The following KIF20B variants were observed in gnomAD, a reference collection of about 807,000 sequenced individuals.
KIF20B encodes kinesin family member 20B.
Under a neutral mutation model 232.5 loss-of-function variants are expected in KIF20B, and 188 were observed. The ratio of observed to expected loss-of-function variants is 0.81; its 90% CI spans 0.72 to 0.91. The LOEUF (loss-of-function observed/expected upper bound fraction) is 0.91. Ranked by LOEUF, KIF20B falls within the 40% of genes least tolerant of loss-of-function variation. The pLI is 0.00. For synonymous variants in KIF20B, 712 were observed against 683.0 expected (o/e 1.04, Z -0.66); for missense variants, 2,154 against 2,055.9 (o/e 1.05, Z -0.92).
chr10:89,760,114 G>C lies in KIF20B; in HGVS notation c.4681-412G>C, dbSNP rs559286178. 2.6e-5 allele frequency among the ~76,000 whole-genome samples: 4 copies of C among 152,196 alleles called. No individual in the cohort carries two copies. In the South Asian group the frequency reaches 8.3e-4, roughly 32 times the overall value. On this transcript the variant is annotated intron_variant, in intron 27 of 32. Coordinates refer to ENST00000371728, the MANE Select transcript of KIF20B (RefSeq NM_001284259.2). ...AATTGTGTTATCAAAAGCAACTGTT[G>C]GGATACTGAGCAATTCTAACTCAGT...
At chr10:89,751,516 T>TA (rs747661768) in intron 24 of KIF20B, 45 bp downstream of exon 24, 124 of 1,535,416 alleles carry the variant, frequency 8.1e-5, no homozygotes, top group East Asian at 2.3e-4. Context: ...CTTTTTCATT[T>TA]AAAAAAAAAT....
At chr10:89,763,073 C>T (rs1356434179) in intron 29 of KIF20B, among the ~76,000 whole-genome samples, 1 of 151,950 alleles carries the variant, frequency 6.6e-6, no homozygotes, top group African/African-American at 2.4e-5. Flanking sequence ...CTTGAGGTCA[C>T]GAATTCAAGA....
At chr10:89,745,263 G>A (rs978319473) in intron 22 of KIF20B, among the ~76,000 whole-genome samples, 14 of 152,304 alleles carry the variant, frequency 9.2e-5, no homozygotes, top group African/African-American at 2.6e-4. Context: ...AGTCGCTCAC[G>A]CATGTAATCC....
chr10:89,730,054 A>C (rs1261762082), intron 18 of KIF20B, among the ~76,000 whole-genome samples: 1 of 152,140 alleles, frequency 6.6e-6, no homozygotes, highest in Non-Finnish European at 1.5e-5. Context: ...TGATAGTCAA[A>C]CTCTAATACC....
chr10:89,709,994 T>A lies in KIF20B; in HGVS notation c.419T>A (p.Leu140His). The change falls in exon 5 of 33, where the codon CTC (leucine) becomes CAC (histidine). Residue 140 changes from leucine to histidine, a missense_variant. Physicochemically the swap from Leu to His is moderately conservative, Grantham distance 99. Coordinates refer to ENST00000371728, the MANE Select transcript of KIF20B (RefSeq NM_001284259.2). The part of the protein sequence containing the change: ...QGCIMQPVKD[L>H]LKGQSRLIFT... ...TGCATTATGCAACCAGTAAAAGACC[T>A]CTTGAAAGGACAGAGTCGTCTGATT... 6.2e-7 allele frequency: 1 copy of A among 1,613,064 alleles called. No homozygotes were observed. Among genetic ancestry groups the A allele is most frequent in the East Asian group, 2.2e-5 (1 of 44,826 alleles).
intron 18 of KIF20B, among the ~76,000 whole-genome samples, 187 bp from the exon 19 acceptor site, chr10:89,732,716 C>T (rs1464806554): frequency 1.3e-5 from 2 of 151,978 alleles, no homozygotes; most frequent in African/African-American, 2.4e-5. Context: ...TCCAGTTATC[C>T]CCAAATGTTA....
At position 89,758,759 on chromosome 10, in the gene KIF20B, A is replaced by G; in HGVS notation, c.4557A>G (p.Arg1519=). 6.2e-7 allele frequency: 1 copy of G among 1,608,542 alleles called. No homozygotes were observed. Among genetic ancestry groups the G allele is most frequent in the Non-Finnish European group, 8.5e-7 (1 of 1,177,454 alleles). The change falls in exon 27 of 33, where the codon CGA becomes CGG. Residue 1519 remains arginine (R), a synonymous_variant. Transcript: ENST00000371728. The stretch of plus-strand genomic sequence containing the variant: ...AAGATAGTGACCTTCAAAAGTGGCG[A>G]GAAGAACGAGATCAACTGGTTGCAG... ...TEKDSDLQKW[R]EERDQLVAAL...
Position 89,715,174 on chromosome 10 carries a change from T to C in KIF20B, c.932T>C (p.Phe311Ser). ...RLSQDVKGYS[F>S]IKDLQWIQVS... ...TCCCAAGACGTAAAGGGCTATTCTT[T>C]TATAAAAGGTATACTAATGAATATT... Residue 311 changes from phenylalanine to serine, a missense_variant, in exon 8 of 33, where the codon TTT (phenylalanine) becomes TCT (serine). Transcript: ENST00000371728. The C allele has an allele frequency of 6.3e-7, 1 of 1,575,412 alleles. No individual in the cohort carries two copies. Among genetic ancestry groups the C allele is most frequent in the Non-Finnish European group, 8.7e-7 (1 of 1,155,094 alleles).
intron 19 of KIF20B, among the ~76,000 whole-genome samples, chr10:89,736,698 T>G (rs1314589036): frequency 6.6e-6 from 1 of 152,136 alleles, no homozygotes; most frequent in Non-Finnish European, 1.5e-5. Flanking sequence ...CTGTACAGAT[T>G]TTCAGGTTCT....
In KIF20B at chr10:89,729,130, A is replaced by T. The variant is rs1421948070; in HGVS notation, c.2274A>T (p.Lys758Asn). The change falls in exon 18 of 33, where the codon AAA becomes AAT. Residue 758 changes from lysine (K) to asparagine (N), a missense_variant and splice_region_variant. Lys to Asn is a moderately conservative substitution (Grantham distance 94). Transcript: ENST00000371728. ...LIQELETSNK[K>N]IITQNQRIKE... ...ATTGCTTTTTCTTCTTTCCAAAGAA[A>T]ATAATTACACAGAATCAAAGAATTA... is the stretch of plus-strand genomic sequence containing the variant. The T allele has an allele frequency of 7.1e-7, 1 of 1,406,028 alleles. No individual in the cohort carries two copies. The highest frequency in any genetic ancestry group is 9.5e-7 in the Non-Finnish European group (1 of 1,051,700). The allele number at this position is 1,406,028 out of a possible 1,614,324, so 87.1% of individuals were successfully genotyped here. A position where few individuals can be genotyped will look rare whatever the true frequency, so the allele number is the denominator to read the frequency against.
intron 24 of KIF20B, among the ~76,000 whole-genome samples, chr10:89,752,308 A>G (rs111658625): frequency 1.1e-4 from 16 of 152,092 alleles, no homozygotes; most frequent in African/African-American, 3.6e-4. Context: ...TTTCTATATA[A>G]TAAGGTTGAC....
rs115537959 is a variant in KIF20B at position 89,739,744 on chromosome 10, G to T, written c.3915+648G>T. Among the ~76,000 whole-genome samples, 725 of 150,128 alleles carry T rather than the reference G, an allele frequency of 4.8e-3. 6 individuals are homozygous for T. Among genetic ancestry groups the T allele is most frequent in the African/African-American group, 0.016 (671 of 40,716 alleles). ...TCTGACAAATATTAATACAACAAAT[G>T]CTGTTTCTACCACTATAAAAGTGAC... On this transcript the variant is annotated intron_variant, in intron 21 of 32. Coordinates refer to ENST00000371728, the MANE Select transcript of KIF20B (RefSeq NM_001284259.2).
chr10:89,763,135 G>A (rs546139318), intron 29 of KIF20B, among the ~76,000 whole-genome samples: 5 of 152,176 alleles, frequency 3.3e-5, no homozygotes, highest in African/African-American at 1.2e-4. Context: ...ACAAAAATTA[G>A]CCAGGAGTGG....
chr10:89,746,031 T>C, intron 23 of KIF20B, 72 bp downstream of exon 23: 1 of 1,084,420 alleles, frequency 9.2e-7, no homozygotes, highest in Non-Finnish European at 1.4e-6. Context: ...GCGATGGGGG[T>C]ATGACTTGCT....
intron 19 of KIF20B, 123 bp from the exon 20 acceptor site, chr10:89,737,263 AT>A (rs60734702): frequency 0.039 from 32,746 of 837,308 alleles, 5 homozygotes; most frequent in Middle Eastern, 0.044. Context: ...AGCTTATTTC[AT>A]TTTTTTTTTT....
Position 89,738,528 on chromosome 10 carries a change from C to A in KIF20B, c.3687C>A (p.Ile1229=). The A allele has an allele frequency of 6.2e-7, 1 of 1,601,200 alleles. No individual in the cohort carries two copies. Among genetic ancestry groups the A allele is most frequent in the Admixed American group, 1.7e-5 (1 of 58,042 alleles). ...NVKELKLKEE[I]TQLTNNLQDM... is the part of the protein sequence containing the mutation. ...AGGAACTCAAGCTGAAAGAAGAAAT[C>A]ACACAGTTAACAAATAATTTGCAAG... The change falls in exon 20 of 33, where the codon ATC becomes ATA. Residue 1229 remains isoleucine, a synonymous_variant. Transcript: ENST00000371728.
chr10:89,745,586 T>A (rs1207771803), intron 22 of KIF20B, among the ~76,000 whole-genome samples: 3 of 152,022 alleles, frequency 2.0e-5, no homozygotes, highest in African/African-American at 4.8e-5. Context: ...TTAATTTTTT[T>A]AAATTTTAAT....
At chr10:89,750,467 C>T (rs1841999415) in intron 23 of KIF20B, among the ~76,000 whole-genome samples, 1 of 152,156 alleles carries the variant, frequency 6.6e-6, no homozygotes, top group South Asian at 2.1e-4. Flanking sequence ...ATACAGTTTT[C>T]TCTTACTGTT....
intron 31 of KIF20B, among the ~76,000 whole-genome samples, chr10:89,769,812 G>A (rs1266343101): frequency 1.3e-5 from 2 of 151,936 alleles, no homozygotes; most frequent in Non-Finnish European, 2.9e-5. Flanking sequence ...ACTATCTTAG[G>A]GGTGAGATGG....
Sources: allele counts gnomAD v4.1 joint callset (sites outside exome capture counted in the v4.1 genomes callset), GRCh38; gene constraint gnomAD v4.1.1; transcripts MANE v1.5; gene names NCBI Gene and HGNC (gene_info 2026-07-23, HGNC 2026-07-21).